The following FNDC3A variants were observed in gnomAD, a reference collection of about 807,000 sequenced individuals.
FNDC3A encodes fibronectin type III domain containing 3A.
A neutral mutation model predicts 148.9 loss-of-function variants in FNDC3A; 32 were observed. The ratio of observed to expected loss-of-function variants is 0.21; its 90% CI spans 0.16 to 0.29. FNDC3A has a LOEUF of 0.29. Ranked by LOEUF, FNDC3A falls within the 10% of genes least tolerant of loss-of-function variation. The pLI, the probability that FNDC3A is intolerant of heterozygous loss-of-function variation, is 1.00. For missense variants in FNDC3A, 1,191 were observed against 1,452.8 expected, an observed-to-expected ratio of 0.82 and a Z score of 2.93; for synonymous variants, 472 against 473.6, an observed-to-expected ratio of 1.00 and a Z score of 0.04.
chr13:49,115,693 G>C (rs1880906485), intron 4 of FNDC3A, among the ~76,000 whole-genome samples: 1 of 152,196 alleles, frequency 6.6e-6, no homozygotes. Flanking sequence ...TTCATTATGA[G>C]ATGAGATCAC....
intron 11 of FNDC3A, 25 bp downstream of exon 11, chr13:49,172,121 T>C: frequency 6.9e-7 from 1 of 1,447,528 alleles, no homozygotes; most frequent in Non-Finnish European, 9.7e-7. Context: ...TCTTTTTAAA[T>C]GGTTAACATT....
At chr13:49,104,700 T>C (rs1880062510) in intron 3 of FNDC3A, among the ~76,000 whole-genome samples, 1 of 152,156 alleles carries the variant, frequency 6.6e-6, no homozygotes, top group African/African-American at 2.4e-5. Context: ...GTAAGAGACA[T>C]GTCCTAGGGG....
At chr13:49,070,793 A>G (rs968935748) in intron 2 of FNDC3A, among the ~76,000 whole-genome samples, 10 of 151,658 alleles carry the variant, frequency 6.6e-5, no homozygotes, top group African/African-American at 2.4e-4. Context: ...GAGTGAGAAC[A>G]TGCAATATTT....
intron 2 of FNDC3A, among the ~76,000 whole-genome samples, chr13:49,019,494 C>G (rs1423656770): frequency 6.6e-6 from 1 of 152,196 alleles, no homozygotes; most frequent in Admixed American, 6.5e-5. Flanking sequence ...TGACCTGCGC[C>G]CACTGTCTGG....
chr13:49,055,782 A>G (rs1876193389), intron 2 of FNDC3A, among the ~76,000 whole-genome samples: 1 of 152,188 alleles, frequency 6.6e-6, no homozygotes, highest in Non-Finnish European at 1.5e-5. Context: ...CCTGAAATGT[A>G]TAAAACTAGG....
intron 2 of FNDC3A, among the ~76,000 whole-genome samples, chr13:49,008,758 G>A (rs1952275254): frequency 6.6e-6 from 1 of 152,082 alleles, no homozygotes; most frequent in African/African-American, 2.4e-5. Flanking sequence ...GGCTGTAATA[G>A]TCATTTATTA....
intron 11 of FNDC3A, among the ~76,000 whole-genome samples, chr13:49,173,488 C>T (rs913916975): frequency 2.0e-5 from 3 of 152,158 alleles, no homozygotes; most frequent in Admixed American, 6.5e-5. Flanking sequence ...TGTACCATCA[C>T]TAAACAAAGG....
chr13:49,131,048 G>T, intron 4 of FNDC3A, 89 bp from the exon 5 acceptor site: 1 of 999,600 alleles, frequency 1.0e-6, no homozygotes. Flanking sequence ...CTAGAGGCAT[G>T]AGCTACCGTG....
intron 5 of FNDC3A, among the ~76,000 whole-genome samples, chr13:49,133,168 A>T (rs1009360647): frequency 2.0e-5 from 3 of 152,164 alleles, no homozygotes; most frequent in African/African-American, 7.2e-5. Context: ...GAGATTCTGC[A>T]TTTCTAACAA....
chr13:49,057,114 G>T (rs1467572572), intron 2 of FNDC3A, among the ~76,000 whole-genome samples: 2 of 152,130 alleles, frequency 1.3e-5, no homozygotes, highest in East Asian at 1.9e-4. Context: ...TAACTTGGGG[G>T]TTATTTTTTT....
At chr13:49,130,421 C>T (rs1881956827) in intron 4 of FNDC3A, among the ~76,000 whole-genome samples, 1 of 152,092 alleles carries the variant, frequency 6.6e-6, no homozygotes, top group Admixed American at 6.5e-5. Flanking sequence ...AGTCTGGATC[C>T]AGTTGTTTTG....
intron 13 of FNDC3A, among the ~76,000 whole-genome samples, chr13:49,177,156 A>G (rs756120166): frequency 5.9e-5 from 9 of 152,220 alleles, no homozygotes; most frequent in Middle Eastern, 3.4e-3. Context: ...GTGTGTGTGT[A>G]TATATGTCTG....
At chr13:49,070,346 A>G (rs1282550367) in intron 2 of FNDC3A, among the ~76,000 whole-genome samples, 5 of 152,138 alleles carry the variant, frequency 3.3e-5, no homozygotes. Flanking sequence ...AAATAAAAAC[A>G]GGAAAAATTA....
chr13:49,032,608 C>T (rs768537636), intron 2 of FNDC3A, among the ~76,000 whole-genome samples: 13 of 152,038 alleles, frequency 8.6e-5, no homozygotes, highest in Non-Finnish European at 1.5e-4. Context: ...TGGTGGAGGG[C>T]GCCTGTGGTC....
chr13:49,191,836 T>G (rs1295720121), intron 19 of FNDC3A, among the ~76,000 whole-genome samples: 2 of 152,214 alleles, frequency 1.3e-5, no homozygotes, highest in African/African-American at 4.8e-5. Flanking sequence ...AAAAAAAACT[T>G]ATGCTTGAAA....
intron 4 of FNDC3A, among the ~76,000 whole-genome samples, chr13:49,115,968 C>T (rs779528274): frequency 1.3e-5 from 2 of 152,172 alleles, no homozygotes; most frequent in Non-Finnish European, 2.9e-5. Flanking sequence ...CTTTGTTGCA[C>T]CTTCTCAGAT....
chr13:49,159,046 G>A (rs1398943446), intron 8 of FNDC3A, among the ~76,000 whole-genome samples: 1 of 152,188 alleles, frequency 6.6e-6, no homozygotes, highest in Non-Finnish European at 1.5e-5. Flanking sequence ...CTTGAAGTCA[G>A]GTAGCATGAC....
intron 4 of FNDC3A, among the ~76,000 whole-genome samples, chr13:49,128,877 C>T (rs1881862764): frequency 6.6e-6 from 1 of 152,180 alleles, no homozygotes; most frequent in Non-Finnish European, 1.5e-5. Context: ...GTTAATTCCT[C>T]CACTTCCTTC....
chr13:49,100,525 G>A lies in FNDC3A; in HGVS notation c.176-14130G>A, dbSNP rs536795304. ...ATAGGAATAATAAAGATAATGTAGT[G>A]GTTTTTCATTAAGTTAAATTTATTT... On this transcript the variant is annotated intron_variant, in intron 3 of 25. Coordinates refer to ENST00000492622, the MANE Select transcript of FNDC3A (RefSeq NM_001079673.2). Among the ~76,000 whole-genome samples the A allele has an allele frequency of 3.3e-5, 5 of 152,058 alleles. No homozygotes were observed. The East Asian group carries it at 9.6e-4, about 29-fold the overall frequency.
Sources: gnomAD v4.1 joint callset for allele counts (sites outside exome capture counted in the v4.1 genomes callset) on GRCh38, gnomAD v4.1.1 for gene constraint, MANE v1.5 for transcripts, NCBI Gene and HGNC (gene_info 2026-07-23, HGNC 2026-07-21) for gene names.